SNX27: variants seen among roughly 807,000 people sequenced by gnomAD.
SNX27 encodes sorting nexin 27, also known as sorting nexin-27.
Under a neutral mutation model 71.6 loss-of-function variants are expected in SNX27, and 22 were observed. The ratio of observed to expected loss-of-function variants is 0.31; its 90% CI spans 0.22 to 0.44. The LOEUF is 0.44. Among genes scored for constraint, SNX27 ranks in the 20% least tolerant of loss-of-function variants. The pLI, the probability that SNX27 is intolerant of heterozygous loss-of-function variation, is 1.00. For missense variants in SNX27, 531 were observed against 698.6 expected (o/e 0.76, Z 2.70); for synonymous variants, 269 against 277.2 (o/e 0.97, Z 0.29).
At chr1:151,636,246 C>T (rs966881889) in intron 1 of SNX27, among the ~76,000 whole-genome samples, 2 of 152,104 alleles carry the variant, frequency 1.3e-5, no homozygotes, top group Non-Finnish European at 1.5e-5. Flanking sequence ...CACAAATGTG[C>T]GTTTCATAAA....
At chr1:151,651,133 G>C (rs1382536034) in intron 2 of SNX27, among the ~76,000 whole-genome samples, 1 of 152,034 alleles carries the variant, frequency 6.6e-6, no homozygotes, top group Non-Finnish European at 1.5e-5. Flanking sequence ...TCCCAGACGG[G>C]GTGGTGGCCG....
At chr1:151,647,369 C>T (rs1487500226) in intron 2 of SNX27, among the ~76,000 whole-genome samples, 1 of 149,966 alleles carries the variant, frequency 6.7e-6, no homozygotes, top group Non-Finnish European at 1.5e-5. Context: ...AGGCTGGTCT[C>T]GAACTCCTGA....
At chr1:151,693,246 A>G in intron 10 of SNX27, 178 bp from the exon 11 acceptor site, 2 of 902,188 alleles carry the variant, frequency 2.2e-6, no homozygotes, top group Non-Finnish European at 3.4e-6. Context: ...GCTCGTAGTT[A>G]CCACTAGAAG....
intron 2 of SNX27, among the ~76,000 whole-genome samples, chr1:151,647,992 TAAAA>T (rs923467531): frequency 2.0e-5 from 3 of 146,712 alleles, no homozygotes; most frequent in Admixed American, 2.0e-4. Context: ...TTTAAGAAGT[TAAAA>T]AAAAAAACAA....
chr1:151,621,645 A>G (rs1667680930), intron 1 of SNX27, among the ~76,000 whole-genome samples: 1 of 152,226 alleles, frequency 6.6e-6, no homozygotes, highest in Non-Finnish European at 1.5e-5. Flanking sequence ...ACTCTTAAAG[A>G]ACTTTCAATA....
chr1:151,663,743 A>G (rs1670065273), intron 5 of SNX27, among the ~76,000 whole-genome samples: 1 of 152,214 alleles, frequency 6.6e-6, no homozygotes, highest in African/African-American at 2.4e-5. Flanking sequence ...CAACAAGTAC[A>G]CAATACTGGG....
intron 2 of SNX27, among the ~76,000 whole-genome samples, chr1:151,653,142 G>C (rs926282864): frequency 3.3e-5 from 5 of 152,058 alleles, no homozygotes; most frequent in African/African-American, 1.2e-4. Flanking sequence ...GGTCAGGCTG[G>C]TCTTGAACTC....
intron 2 of SNX27, among the ~76,000 whole-genome samples, chr1:151,651,012 G>A (rs1669313992): frequency 2.0e-5 from 3 of 152,092 alleles, no homozygotes; most frequent in South Asian, 2.1e-4. Context: ...TTTCTACACA[G>A]ACACGGCAAC....
intron 2 of SNX27, among the ~76,000 whole-genome samples, chr1:151,641,770 T>TATATGATATATATGAG (rs1668768518): frequency 1.2e-5 from 1 of 83,308 alleles, no homozygotes; most frequent in East Asian, 2.6e-4. Context: ...ATATATGCTA[T>TATATGATATATATGAG]ATATATCTGA....
intron 1 of SNX27, among the ~76,000 whole-genome samples, chr1:151,635,710 G>A (rs577681688): frequency 5.3e-5 from 8 of 152,134 alleles, no homozygotes; most frequent in Non-Finnish European, 8.8e-5. Context: ...GGAATGTATA[G>A]CATTCCTTCT....
chr1:151,629,710 A>G (rs1185977969), intron 1 of SNX27, among the ~76,000 whole-genome samples: 1 of 149,964 alleles, frequency 6.7e-6, no homozygotes, highest in Non-Finnish European at 1.5e-5. Context: ...GAGCCTCCTG[A>G]GGGTCTACAT....
chr1:151,640,353 A>G (rs1399773101), intron 2 of SNX27, among the ~76,000 whole-genome samples: 1 of 152,094 alleles, frequency 6.6e-6, no homozygotes, highest in Non-Finnish European at 1.5e-5. Flanking sequence ...AATACTACCA[A>G]TTGTACCTTT....
At chr1:151,653,362 C>T (rs1425978123) in intron 2 of SNX27, among the ~76,000 whole-genome samples, 1 of 152,092 alleles carries the variant, frequency 6.6e-6, no homozygotes, top group African/African-American at 2.4e-5. Context: ...ATGGGCAATA[C>T]TCTTCTGTTA....
chr1:151,628,231 T>G (rs1668040490), intron 1 of SNX27, among the ~76,000 whole-genome samples: 1 of 152,106 alleles, frequency 6.6e-6, no homozygotes, highest in African/African-American at 2.4e-5. Context: ...GGTGTCAAAC[T>G]CCTGACCTCA....
intron 10 of SNX27, 29 bp downstream of exon 10, chr1:151,693,068 G>T (rs758732095): frequency 2.5e-6 from 4 of 1,597,766 alleles, no homozygotes; most frequent in Non-Finnish European, 2.6e-6. Context: ...AAGTAACTGG[G>T]ACTTAGTTTG....
At chr1:151,642,548 A>G (rs1237848690) in intron 2 of SNX27, among the ~76,000 whole-genome samples, 3 of 152,090 alleles carry the variant, frequency 2.0e-5, no homozygotes, top group Admixed American at 2.0e-4. Context: ...TAAGAAATCT[A>G]CCTAACCCAA....
At chr1:151,673,825 A>G (rs1236041697) in intron 7 of SNX27, among the ~76,000 whole-genome samples, 7 of 152,056 alleles carry the variant, frequency 4.6e-5, no homozygotes, top group Non-Finnish European at 8.8e-5. Flanking sequence ...TTGTCTTACA[A>G]TCTATTTTGT....
intron 1 of SNX27, among the ~76,000 whole-genome samples, chr1:151,636,982 C>T (rs906101092): frequency 6.6e-6 from 1 of 152,010 alleles, no homozygotes; most frequent in African/African-American, 2.4e-5. Context: ...CTGTTAGGAA[C>T]TTATTGTCTC....
chr1:151,620,770 A>G (rs531366216), intron 1 of SNX27, among the ~76,000 whole-genome samples: 2 of 151,472 alleles, frequency 1.3e-5, no homozygotes, highest in Admixed American at 1.3e-4. Context: ...GCTCACTGCA[A>G]CCTCAGCCTC....
Sources: allele counts gnomAD v4.1 joint callset (sites outside exome capture counted in the v4.1 genomes callset), GRCh38; gene constraint gnomAD v4.1.1; transcripts MANE v1.5; gene names NCBI Gene and HGNC (gene_info 2026-07-23, HGNC 2026-07-21).